The following ADAMTS12 variants were observed in gnomAD, a reference collection of about 807,000 sequenced individuals.
The protein encoded by ADAMTS12 is ADAM metallopeptidase with thrombospondin type 1 motif 12.
A neutral mutation model predicts 167.8 loss-of-function variants in ADAMTS12; 118 were observed. That is an observed-to-expected ratio of 0.70 (90% confidence interval 0.61 to 0.82). The LOEUF (loss-of-function observed/expected upper bound fraction) is 0.82, where lower values mean the gene tolerates loss of function less well. Ranked by LOEUF, ADAMTS12 falls within the 40% of genes least tolerant of loss-of-function variation. The probability of loss-of-function intolerance (pLI) is 0.00; values close to 1 mark genes in which losing one functional copy is unlikely to be tolerated. For synonymous variants in ADAMTS12, 704 were observed against 716.9 expected (o/e 0.98, Z 0.29); for missense variants, 1,916 against 1,998.8 (o/e 0.96, Z 0.79).
chr5:33,881,366 T>C lies in ADAMTS12; in HGVS notation c.242A>G (p.Lys81Arg), dbSNP rs959663564. Residue 81 changes from lysine (K) to arginine (R), a missense_variant, in exon 2 of 24, where the codon AAG becomes AGG. By Grantham distance (26) the Lys-to-Arg change is conservative. Coordinates refer to ENST00000504830, the MANE Select transcript of ADAMTS12 (RefSeq NM_030955.4). The part of the protein sequence containing the change: ...LHYPITSSRR[K>R]RDLDGSEDWV... Reference sequence around the variant, plus strand: ...GTCCTCTGAGCCATCCAAATCTCTCTTCCTCCTGCTGCTCGTGATGGGATA... The same window carrying C: ...GTCCTCTGAGCCATCCAAATCTCTCCTCCTCCTGCTGCTCGTGATGGGATA... 4 of 1,614,080 alleles carry C rather than the reference T, an allele frequency of 2.5e-6. No individual in the cohort carries two copies. Among genetic ancestry groups the C allele is most frequent in the Admixed American group, 3.3e-5 (2 of 60,004 alleles).
intron 21 of ADAMTS12, among the ~76,000 whole-genome samples, chr5:33,548,588 G>T (rs369969248): frequency 1.3e-5 from 2 of 151,954 alleles, no homozygotes; most frequent in African/African-American, 4.8e-5. Context: ...TTAAACATTT[G>T]ACTGTTGAAA....
At chr5:33,679,384 C>G (rs569406274) in intron 5 of ADAMTS12, among the ~76,000 whole-genome samples, 32 of 152,168 alleles carry the variant, frequency 2.1e-4, no homozygotes, top group African/African-American at 7.5e-4. Flanking sequence ...GCTTGGGAGG[C>G]CTCAGGAAAC....
intron 3 of ADAMTS12, among the ~76,000 whole-genome samples, chr5:33,750,657 T>C (rs1033246347): frequency 6.6e-6 from 1 of 152,226 alleles, no homozygotes; most frequent in African/African-American, 2.4e-5. Flanking sequence ...ACTGTCCCGA[T>C]TCCCAATCCC....
chr5:33,799,243 T>A (rs983574538), intron 2 of ADAMTS12, among the ~76,000 whole-genome samples: 7 of 152,188 alleles, frequency 4.6e-5, no homozygotes, highest in Non-Finnish European at 8.8e-5. Context: ...TATTGGTTGG[T>A]TTACTAATTA....
intron 16 of ADAMTS12, among the ~76,000 whole-genome samples, chr5:33,601,158 T>A (rs1738170383): frequency 6.7e-6 from 1 of 149,260 alleles, no homozygotes; most frequent in Non-Finnish European, 1.5e-5. Flanking sequence ...AATCACAACA[T>A]CGACAGCACC....
intron 3 of ADAMTS12, among the ~76,000 whole-genome samples, chr5:33,690,676 G>A (rs1220658520): frequency 3.9e-5 from 6 of 152,030 alleles, no homozygotes; most frequent in East Asian, 1.9e-4. Context: ...TGAATGAGTC[G>A]AGAATTTATA....
intron 3 of ADAMTS12, among the ~76,000 whole-genome samples, chr5:33,685,455 C>T (rs994290862): frequency 5.3e-5 from 8 of 152,210 alleles, no homozygotes; most frequent in African/African-American, 1.9e-4. Flanking sequence ...TGCCCTCTCC[C>T]TTGGTACTCT....
intron 2 of ADAMTS12, among the ~76,000 whole-genome samples, chr5:33,759,038 C>G (rs1745260338): frequency 6.6e-6 from 1 of 152,150 alleles, no homozygotes; most frequent in Non-Finnish European, 1.5e-5. Flanking sequence ...AAAATCTGAG[C>G]AGGGACAGAA....
intron 3 of ADAMTS12, among the ~76,000 whole-genome samples, chr5:33,724,843 A>C (rs1231898710): frequency 6.6e-6 from 1 of 151,860 alleles, no homozygotes; most frequent in Non-Finnish European, 1.5e-5. Context: ...GAGCCACCGC[A>C]CCCGGCCAAC....
At chr5:33,722,448 G>A (rs1561235064) in intron 3 of ADAMTS12, among the ~76,000 whole-genome samples, 2 of 152,114 alleles carry the variant, frequency 1.3e-5, no homozygotes, top group African/African-American at 2.4e-5. Flanking sequence ...ATTATATGCC[G>A]ATTTTACAGC....
At chr5:33,878,958 G>T (rs1750326532) in intron 2 of ADAMTS12, among the ~76,000 whole-genome samples, 1 of 152,120 alleles carries the variant, frequency 6.6e-6, no homozygotes, top group Non-Finnish European at 1.5e-5. Flanking sequence ...TAAAACAAAG[G>T]TTTCAGACAA....
At chr5:33,590,898 C>CT (rs60630543) in intron 17 of ADAMTS12, among the ~76,000 whole-genome samples, 9,517 of 137,820 alleles carry the variant, frequency 0.069, 392 homozygotes, top group Middle Eastern at 0.11. Flanking sequence ...CTTCTTCTTC[C>CT]TTTTTTTTTT....
intron 5 of ADAMTS12, among the ~76,000 whole-genome samples, chr5:33,672,831 C>G (rs543340840): frequency 2.0e-5 from 3 of 152,160 alleles, no homozygotes; most frequent in Non-Finnish European, 4.4e-5. Context: ...AGCCCATTTC[C>G]CTGAAGGGCC....
intron 19 of ADAMTS12, among the ~76,000 whole-genome samples, chr5:33,568,355 G>C (rs1050173221): frequency 6.6e-6 from 1 of 152,156 alleles, no homozygotes; most frequent in Non-Finnish European, 1.5e-5. Flanking sequence ...TTTGATGCAA[G>C]AAATTTTGGA....
chr5:33,649,628 G>T lies in ADAMTS12; in HGVS notation c.1260C>A (p.Ser420=), dbSNP rs1401148978. ...EPVGRHPYIM[S]RQLQYDPTPL... ...GAGTGGGATCGTACTGGAGCTGGCG[G>T]GACATGATGTACGGATGTCTGCCCA... The change falls in exon 8 of 24, where the codon TCC becomes TCA. Residue 420 remains serine, a synonymous_variant. Transcript: ENST00000504830. 1 of 1,613,924 alleles carries T rather than the reference G, an allele frequency of 6.2e-7. No individual in the cohort carries two copies. Among genetic ancestry groups the T allele is most frequent in the African/African-American group, 1.3e-5 (1 of 74,934 alleles).
At chr5:33,678,936 G>A (rs1742014408) in intron 5 of ADAMTS12, among the ~76,000 whole-genome samples, 1 of 152,152 alleles carries the variant, frequency 6.6e-6, no homozygotes, top group Non-Finnish European at 1.5e-5. Context: ...TCAGATAAAT[G>A]GTCAGTACCT....
chr5:33,535,296 G>T (rs1029571029), intron 22 of ADAMTS12, among the ~76,000 whole-genome samples: 1 of 152,134 alleles, frequency 6.6e-6, no homozygotes, highest in African/African-American at 2.4e-5. Flanking sequence ...TACAGCACTG[G>T]GCTCCAGGAA....
At chr5:33,889,863 A>T (rs939709037) in intron 1 of ADAMTS12, among the ~76,000 whole-genome samples, 1 of 152,150 alleles carries the variant, frequency 6.6e-6, no homozygotes, top group Non-Finnish European at 1.5e-5. Flanking sequence ...GAGGCAGGAG[A>T]ATCACTTGAA....
rs1001216905 is a variant in ADAMTS12 at position 33,588,500 on chromosome 5, A to G, written c.2865+99T>C. On this transcript the variant is annotated intron_variant, in intron 18 of 23. Coordinates refer to ENST00000504830, the MANE Select transcript of ADAMTS12 (RefSeq NM_030955.4). ...GGGTGATGAACACTGGCTATTTTGCAATTTTACCTAGGGTCACTTTGGATT... is the reference window on the plus strand; with the variant it reads ...GGGTGATGAACACTGGCTATTTTGCGATTTTACCTAGGGTCACTTTGGATT... 6.8e-6 allele frequency: 10 copies of G among 1,468,016 alleles called. 1 individual carries two copies. The East Asian group carries it at 2.3e-4, about 33-fold the overall frequency. 90.9% of individuals were successfully genotyped at this position (1,468,016 alleles called of 1,614,324 possible).
Sources: allele counts gnomAD v4.1 joint callset (sites outside exome capture counted in the v4.1 genomes callset), GRCh38; gene constraint gnomAD v4.1.1; transcripts MANE v1.5; gene names NCBI Gene and HGNC (gene_info 2026-07-23, HGNC 2026-07-21).